The following ENKUR variants were observed in gnomAD, a reference collection of about 807,000 sequenced individuals.
ENKUR encodes the protein enkurin, TRPC channel interacting protein.
A neutral mutation model predicts 27.6 loss-of-function variants in ENKUR; 19 were observed. The observed-to-expected ratio is 0.69, with a 90% CI of 0.48 to 1.01. The LOEUF (loss-of-function observed/expected upper bound fraction) is 1.01. Among genes scored for constraint, ENKUR ranks in the 50% least tolerant of loss-of-function variants. The pLI is 0.00. For missense variants in ENKUR, 312 were observed against 310.5 expected (o/e 1.00, Z -0.04); for synonymous variants, 117 against 96.9 (o/e 1.21, Z -1.22).
chr10:25,014,671 G>A (rs929360034), intron 1 of ENKUR, among the ~76,000 whole-genome samples: 2 of 152,096 alleles, frequency 1.3e-5, no homozygotes, highest in Non-Finnish European at 2.9e-5. Context: ...TAATATGCAG[G>A]AATTTGAAAC....
At position 24,995,847 on chromosome 10, in the gene ENKUR, C is replaced by A. The variant is rs748931016; in HGVS notation, c.246G>T (p.Val82=). The A allele has an allele frequency of 1.9e-6, 3 of 1,609,078 alleles. No homozygotes were observed. Among genetic ancestry groups the A allele is most frequent in the African/African-American group, 2.7e-5 (2 of 74,582 alleles). ...LPPKKNFDRN[V]PKKPAVPLKT... ...TCAATGGCACAGCAGGCTTTTTGGG[C>A]ACGTTCCGATCAAAGTTTTTTTCTG... The change falls in exon 3 of 6, where the codon GTG becomes GTT. Residue 82 remains valine, a synonymous_variant. Coordinates refer to ENST00000331161, the MANE Select transcript of ENKUR (RefSeq NM_145010.4).
At chr10:25,023,620 G>T in intron 2 of ENKUR, 1 of 1,614,104 alleles carries the variant, frequency 6.2e-7, no homozygotes, top group East Asian at 2.2e-5. Context: ...TTCCCTTACT[G>T]GGTCCAATCC....
At chr10:25,059,902 G>A (rs1851307295) in intron 2 of ENKUR, among the ~76,000 whole-genome samples, 1 of 152,112 alleles carries the variant, frequency 6.6e-6, no homozygotes. Flanking sequence ...ATTGACATAA[G>A]GAGAGGCTAA....
chr10:25,011,412 G>T (rs1205630191), intron 1 of ENKUR, among the ~76,000 whole-genome samples: 2 of 152,000 alleles, frequency 1.3e-5, no homozygotes, highest in Non-Finnish European at 2.9e-5. Flanking sequence ...TCACTCTGAT[G>T]GTAGTTTCTT....
At chr10:25,024,681 A>G (rs775959578) in intron 2 of ENKUR, 53 of 1,614,124 alleles carry the variant, frequency 3.3e-5, no homozygotes, top group Non-Finnish European at 4.2e-5. Context: ...ATGCTTCCGC[A>G]TATCTTGATC....
At chr10:25,031,668 T>G (rs947856908) in intron 2 of ENKUR, among the ~76,000 whole-genome samples, 4 of 152,328 alleles carry the variant, frequency 2.6e-5, no homozygotes, top group African/African-American at 9.6e-5. Context: ...CTGGGAGGGA[T>G]TCCACTTTCT....
At chr10:25,059,169 G>A (rs1851298644) in intron 2 of ENKUR, among the ~76,000 whole-genome samples, 1 of 136,706 alleles carries the variant, frequency 7.3e-6, no homozygotes, top group Admixed American at 7.7e-5. Context: ...GTCTCGCTTA[G>A]TCATCCAGGC....
At chr10:25,016,572 G>A (rs1248026946), upstream of ENKUR, 1 of 151,330 alleles carries the variant, frequency 6.6e-6, no homozygotes, top group East Asian at 1.9e-4. Flanking sequence ...AGTGAGAAAG[G>A]AGAGTCACGT....
At chr10:24,999,760 T>G (rs779254354) in intron 1 of ENKUR, among the ~76,000 whole-genome samples, 5 of 152,218 alleles carry the variant, frequency 3.3e-5, no homozygotes, top group Non-Finnish European at 7.4e-5. Flanking sequence ...AGGGCAAAAG[T>G]GTTCATAGTA....
At chr10:25,011,130 T>A (rs1029001745) in intron 1 of ENKUR, among the ~76,000 whole-genome samples, 1 of 151,838 alleles carries the variant, frequency 6.6e-6, no homozygotes, top group Non-Finnish European at 1.5e-5. Flanking sequence ...TTTTAATGAT[T>A]GCCATTCTAA....
chr10:25,026,725 A>G (rs1850862352), intron 2 of ENKUR: 1 of 154,102 alleles, frequency 6.5e-6, no homozygotes, highest in African/African-American at 2.4e-5. Context: ...TGTCTTTGAT[A>G]ACATTCAGTT....
chr10:25,041,809 C>T (rs1851067413), intron 2 of ENKUR, among the ~76,000 whole-genome samples: 1 of 151,986 alleles, frequency 6.6e-6, no homozygotes, highest in Non-Finnish European at 1.5e-5. Context: ...GAGAGACAGT[C>T]TATAAGATAA....
chr10:25,023,779 C>G, intron 2 of ENKUR: 2 of 1,614,032 alleles, frequency 1.2e-6, no homozygotes, highest in Non-Finnish European at 1.7e-6. Flanking sequence ...GAAAGACTTA[C>G]TTAAATTTAG....
At chr10:25,011,606 G>A (rs1038451148) in intron 1 of ENKUR, among the ~76,000 whole-genome samples, 31 of 152,082 alleles carry the variant, frequency 2.0e-4, no homozygotes, top group Non-Finnish European at 3.2e-4. Context: ...AGACTTAAAC[G>A]TTAGACCTGC....
rs2132657458 is a variant in ENKUR at position 24,982,307 on chromosome 10, A to G, written c.*2063T>C. The G allele has an allele frequency of 6.6e-6, 1 of 152,348 alleles. No individual in the cohort carries two copies. Among genetic ancestry groups the G allele is most frequent in the East Asian group, 1.9e-4 (1 of 5,168 alleles). The allele number at this position is 152,348 out of a possible 1,614,324, so 9.4% of individuals were successfully genotyped here. On this transcript the variant is annotated 3_prime_UTR_variant, in exon 6 of 6. Coordinates refer to ENST00000331161, the MANE Select transcript of ENKUR (RefSeq NM_145010.4). ...GGCAGTTTTCTGGGTGGAGGGAACC[A>G]TGTGTGCAGATCTCAGAGGTCTCTA... is the stretch of plus-strand genomic sequence containing the variant.
At position 25,025,763 on chromosome 10, in the gene ENKUR, G is replaced by A. The variant is rs147709334; in HGVS notation, c.38-29894C>T. ...ACTGTTATGTGGACCAAAATGTCTG[G>A]TATACTATTTGGCGATTAAAATATT... On this transcript the variant is annotated intron_variant, in intron 2 of 5. Transcript: ENST00000615958. The A allele has an allele frequency of 2.0e-3, 527 of 259,932 alleles. 5 individuals are homozygous for A. Among genetic ancestry groups the A allele is most frequent in the Non-Finnish European group, 3.1e-3 (396 of 127,376 alleles). 16.1% of individuals were successfully genotyped at this position (259,932 alleles called of 1,614,324 possible). A position where few individuals can be genotyped will look rare whatever the true frequency, so the allele number is the denominator to read the frequency against.
intron 3 of ENKUR, among the ~76,000 whole-genome samples, chr10:24,991,558 G>A (rs1420425290): frequency 6.6e-6 from 1 of 152,124 alleles, no homozygotes; most frequent in Non-Finnish European, 1.5e-5. Flanking sequence ...TCGATCAGTG[G>A]AACAACGCAG....
At chr10:25,057,380 TAC>T (rs139515865) in intron 2 of ENKUR, among the ~76,000 whole-genome samples, 13,766 of 117,494 alleles carry the variant, frequency 0.12, 709 homozygotes, top group East Asian at 0.24. Context: ...TGCACTTTGG[TAC>T]ACACACACAC....
In ENKUR at chr10:24,997,807, T is replaced by TTATATATATATATATATATATATATATA. The variant is rs58973955; in HGVS notation, c.223+1593_223+1594insTATATATATATATATATATATATATATA. On this transcript the variant is annotated intron_variant, in intron 2 of 5. Coordinates refer to ENST00000331161, the MANE Select transcript of ENKUR (RefSeq NM_145010.4). ...TTTTTTCTTATTTGACACAAAGGAT[T>TTATATATATATATATATATATATATATA]TATATATATATATATATATGTTTGT... 1.5e-3 allele frequency among the ~76,000 whole-genome samples: 212 copies of TTATATATATATATATATATATATATATA among 144,778 alleles called. 3 individuals carry two copies. Among genetic ancestry groups the TTATATATATATATATATATATATATATA allele is most frequent in the African/African-American group, 5.1e-3 (193 of 37,958 alleles). 95.0% of individuals were successfully genotyped at this position (144,778 alleles called of 152,430 possible).
Sources: gnomAD v4.1 joint callset for allele counts (sites outside exome capture counted in the v4.1 genomes callset) on GRCh38, gnomAD v4.1.1 for gene constraint, MANE v1.5 for transcripts, NCBI Gene and HGNC (gene_info 2026-07-23, HGNC 2026-07-21) for gene names.